Variants in RPL26 observed in about 807,000 individuals in gnomAD.
RPL26 encodes the protein ribosomal protein L26.
A neutral mutation model predicts 16.2 loss-of-function variants in RPL26; 1 was observed. The ratio of observed to expected loss-of-function variants is 0.06; its 90% CI spans 0.02 to 0.29. The LOEUF is 0.29. Among genes scored for constraint, RPL26 ranks in the 10% least tolerant of loss-of-function variants. The pLI is 1.00. For synonymous variants in RPL26, 55 were observed against 62.4 expected (o/e 0.88, Z 0.56); for missense variants, 102 against 184.3 (o/e 0.55, Z 2.58).
chr17:8,379,427 C>T, intron 3 of RPL26: 2 of 265,018 alleles, frequency 7.5e-6, no homozygotes, highest in Admixed American at 4.9e-5. Context: ...CAAAAATTAG[C>T]CGGGTGTAGT....
intron 1 of RPL26, 65 bp from the exon 2 acceptor site, chr17:8,382,380 C>G (rs139231298): frequency 5.1e-6 from 6 of 1,171,674 alleles, no homozygotes; most frequent in African/African-American, 1.5e-5. Context: ...AACAAATAAC[C>G]GCAATGATTT....
In RPL26 at chr17:8,382,020, C is replaced by T. The variant is rs951583580; in HGVS notation, c.168+123G>A. ...TACTGTTTTTTGGTCCCTGGCTCAACTCATCTTGCCACTCTTTGGGAGCAA... is the reference window on the plus strand; with the variant it reads ...TACTGTTTTTTGGTCCCTGGCTCAATTCATCTTGCCACTCTTTGGGAGCAA... On this transcript the variant is annotated intron_variant, in intron 2 of 3. Transcript: ENST00000648839. 3 of 798,220 alleles carry T rather than the reference C, an allele frequency of 3.8e-6. No homozygotes were observed. In the African/African-American group the frequency reaches 5.3e-5, roughly 14 times the overall value. The allele number at this position is 798,220 out of a possible 1,614,324, so 49.4% of individuals were successfully genotyped here.
chr17:8,382,340 T>G (rs1437581095), intron 1 of RPL26, 25 bp from the exon 2 acceptor site: 2 of 1,544,122 alleles, frequency 1.3e-6, no homozygotes, highest in Admixed American at 3.4e-5. Flanking sequence ...AAAAAGACTC[T>G]TAAATGACCA....
chr17:8,382,472 A>C (rs1027171330), intron 1 of RPL26, 157 bp from the exon 2 acceptor site: 2 of 591,168 alleles, frequency 3.4e-6, no homozygotes, highest in African/African-American at 3.8e-5. Context: ...AGGGCCTATC[A>C]ACCGAAGCTC....
chr17:8,379,381 C>T (rs1907308973), intron 3 of RPL26: 1 of 182,748 alleles, frequency 5.5e-6, no homozygotes, highest in African/African-American at 2.4e-5. Context: ...TCAAGACCAG[C>T]CTGGCCAACA....
At chr17:8,380,453 A>G (rs968697199) in intron 2 of RPL26, 11 of 153,992 alleles carry the variant, frequency 7.1e-5, no homozygotes, top group Non-Finnish European at 1.4e-4. Flanking sequence ...AATAGGCATG[A>G]AAAAATATTG....
chr17:8,381,993 C>A, intron 2 of RPL26, 150 bp downstream of exon 2: 1 of 602,898 alleles, frequency 1.7e-6, no homozygotes, highest in Non-Finnish European at 2.9e-6. Context: ...AAGCAGCTTA[C>A]TTACTGTTTT....
In RPL26 at chr17:8,383,190, A is replaced by C. The variant is rs917455663; in HGVS notation, c.-39T>G. The C allele has an allele frequency of 1.8e-5, 7 of 398,448 alleles. No individual in the cohort carries two copies. Among genetic ancestry groups the C allele is most frequent in the African/African-American group, 1.4e-4 (7 of 48,610 alleles). 24.7% of individuals were successfully genotyped at this position (398,448 alleles called of 1,614,324 possible). ...GCTTCGGTGATGGCCGCAAAAGGGA[A>C]GAGAACTACACGCTGCTTCCGGTTC... is the stretch of plus-strand genomic sequence containing the variant. On this transcript the variant is annotated 5_prime_UTR_variant, in exon 1 of 4. Transcript: ENST00000648839.
intron 1 of RPL26, 200 bp downstream of exon 1, chr17:8,382,957 C>T (rs1907495688): frequency 2.5e-6 from 1 of 398,256 alleles, no homozygotes; most frequent in Non-Finnish European, 4.4e-6. Flanking sequence ...TTTTCGAGTT[C>T]CCAAATCCCC....
chr17:8,382,584 G>A, intron 1 of RPL26: 1 of 399,802 alleles, frequency 2.5e-6, no homozygotes, highest in East Asian at 5.5e-5. Flanking sequence ...AGACCTTTTA[G>A]TTACACTCTC....
intron 3 of RPL26, 21 bp downstream of exon 3, chr17:8,379,771 CTCAA>C (rs1476545679): frequency 3.3e-5 from 53 of 1,606,800 alleles, no homozygotes; most frequent in Non-Finnish European, 4.3e-5. Context: ...ATTTCCTTCT[CTCAA>C]GCATTCTCAA....
chr17:8,378,455 C>A (rs1360863744), intron 3 of RPL26, among the ~76,000 whole-genome samples: 1 of 152,118 alleles, frequency 6.6e-6, no homozygotes, highest in African/African-American at 2.4e-5. Context: ...CGCACCATTG[C>A]ACTTCCAGGC....
At chr17:8,381,952 T>G in intron 2 of RPL26, 191 bp downstream of exon 2, 1 of 508,654 alleles carries the variant, frequency 2.0e-6, no homozygotes, top group Non-Finnish European at 3.4e-6. Flanking sequence ...AAAAAAAAGA[T>G]TTTCACCAAA....
chr17:8,378,262 G>C (rs1016376954), intron 3 of RPL26, among the ~76,000 whole-genome samples: 2 of 152,128 alleles, frequency 1.3e-5, no homozygotes, highest in East Asian at 3.9e-4. Flanking sequence ...ACCCTGGGGG[G>C]GCGGAGGCTG....
intron 2 of RPL26, among the ~76,000 whole-genome samples, chr17:8,380,414 T>G (rs1450519085): frequency 6.6e-6 from 1 of 152,228 alleles, no homozygotes; most frequent in Non-Finnish European, 1.5e-5. Flanking sequence ...CCCACACTGC[T>G]TGTTTGGGAA....
chr17:8,382,320 ATAAAAAGT>A lies in RPL26; in HGVS notation c.-5-13_-5-6del, dbSNP rs746055899. On this transcript the variant is annotated splice_polypyrimidine_tract_variant and splice_region_variant and intron_variant, in intron 1 of 3. Transcript: ENST00000648839. ...AGGGATTAAACTTCATTTTGGCTAA[ATAAAAAGT>A]TAAAAAGACTCTTAAATGACCAAAA... is the stretch of plus-strand genomic sequence containing the variant. The A allele has an allele frequency of 1.9e-6, 3 of 1,606,056 alleles. No individual in the cohort carries two copies. Among genetic ancestry groups the A allele is most frequent in the African/African-American group, 2.7e-5 (2 of 74,628 alleles).
At chr17:8,381,074 C>G (rs1007606587) in intron 2 of RPL26, 1 of 152,094 alleles carries the variant, frequency 6.6e-6, no homozygotes, top group Non-Finnish European at 1.5e-5. Context: ...GCTGGTGCCA[C>G]CCAGATCAAT....
At chr17:8,380,024 C>A in intron 2 of RPL26, 88 bp from the exon 3 acceptor site, 2 of 1,067,642 alleles carry the variant, frequency 1.9e-6, no homozygotes, top group Non-Finnish European at 2.7e-6. Flanking sequence ...CACCATTCAC[C>A]CTATCATTAT....
At chr17:8,378,290 G>A (rs1907247597) in intron 3 of RPL26, among the ~76,000 whole-genome samples, 1 of 152,128 alleles carries the variant, frequency 6.6e-6, no homozygotes, top group Non-Finnish European at 1.5e-5. Context: ...CTGAGATGGT[G>A]CTATTATTGC....
Sources: gnomAD v4.1 joint callset for allele counts (sites outside exome capture counted in the v4.1 genomes callset) on GRCh38, gnomAD v4.1.1 for gene constraint, MANE v1.5 for transcripts, NCBI Gene and HGNC (gene_info 2026-07-23, HGNC 2026-07-21) for gene names.